Variants in KCNH8 observed in about 807,000 individuals in gnomAD.
The protein encoded by KCNH8 is voltage-gated delayed rectifier potassium channel KCNH8.
KCNH8 carries 70 observed loss-of-function variants against 103.6 expected under a neutral mutation model. The observed-to-expected ratio is 0.68, with a 90% CI of 0.56 to 0.82. The LOEUF (loss-of-function observed/expected upper bound fraction) is 0.82, where lower values mean the gene tolerates loss of function less well. KCNH8 is among the 40% of genes least tolerant of loss of function. The pLI is 0.00. For synonymous variants in KCNH8, 498 were observed against 489.4 expected, an observed-to-expected ratio of 1.02 and a Z score of -0.23; for missense variants, 1,217 against 1,329.9, an observed-to-expected ratio of 0.92 and a Z score of 1.32.
At chr3:19,299,649 TAAAACA>T (rs745454549) in intron 3 of KCNH8, among the ~76,000 whole-genome samples, 1 of 151,396 alleles carries the variant, frequency 6.6e-6, no homozygotes, top group East Asian at 1.9e-4. Context: ...TAAAAAAAAA[TAAAACA>T]AAAATAAAAA....
At position 19,395,172 on chromosome 3, in the gene KCNH8, C is replaced by A. The variant is rs1249749429; in HGVS notation, c.1038C>A (p.Asp346Glu). The A allele has an allele frequency of 3.7e-6, 6 of 1,611,358 alleles. No homozygotes were observed. The highest frequency in any genetic ancestry group is 2.2e-5 in the East Asian group (1 of 44,776). ...LRLLRLLQKLDRYSQHSTIVL... is the reference protein window; with the variant it reads ...LRLLRLLQKLERYSQHSTIVL... ...TTTTGCGTCTGCTGCAGAAGTTAGA[C>A]CGCTATTCCCAACACAGTACTATCG... Residue 346 changes from aspartate (D) to glutamate (E), a missense_variant, in exon 7 of 16, where the codon GAC becomes GAA. By Grantham distance (45) the Asp-to-Glu change is conservative. Transcript: ENST00000328405.
intron 5 of KCNH8, among the ~76,000 whole-genome samples, chr3:19,348,203 C>T (rs1243122703): frequency 2.6e-5 from 4 of 152,056 alleles, no homozygotes; most frequent in Non-Finnish European, 5.9e-5. Context: ...ATACTTATTT[C>T]ATCCAGAATG....
intron 7 of KCNH8, among the ~76,000 whole-genome samples, chr3:19,419,756 C>G (rs1190971442): frequency 6.6e-6 from 1 of 151,800 alleles, no homozygotes; most frequent in Non-Finnish European, 1.5e-5. Context: ...TATATTTATC[C>G]ATACTCCTAT....
chr3:19,355,663 C>G lies in KCNH8; in HGVS notation c.811+7698C>G, dbSNP rs185484460. 1.4e-3 allele frequency among the ~76,000 whole-genome samples: 218 copies of G among 152,118 alleles called. 1 individual carries two copies. The highest frequency in any genetic ancestry group is 4.9e-3 in the African/African-American group (205 of 41,508). On this transcript the variant is annotated intron_variant, in intron 5 of 15. Coordinates refer to ENST00000328405, the MANE Select transcript of KCNH8 (RefSeq NM_144633.3). The stretch of plus-strand genomic sequence containing the variant: ...AAACCAAACATCCCATGTTCTCACT[C>G]GTAGGTGGCAATTGAACAATGAGAA...
rs372467017 is a variant in KCNH8 at position 19,252,541 on chromosome 3, C to T, written c.77-1113C>T. Among the ~76,000 whole-genome samples the T allele has an allele frequency of 2.1e-4, 32 of 152,002 alleles. 1 individual carries two copies. Among genetic ancestry groups the T allele is most frequent in the Non-Finnish European group, 5.9e-5 (4 of 68,000 alleles). ...AGTAGCTGGGATTACAGGGGCCCAC[C>T]ACCATGCCGGGCTAATTTTTGTATT... On this transcript the variant is annotated intron_variant, in intron 1 of 15. Coordinates refer to ENST00000328405, the MANE Select transcript of KCNH8 (RefSeq NM_144633.3).
intron 11 of KCNH8, among the ~76,000 whole-genome samples, chr3:19,462,018 C>T (rs1289142486): frequency 6.6e-6 from 1 of 152,186 alleles, no homozygotes; most frequent in Non-Finnish European, 1.5e-5. Context: ...ATATGTGCCA[C>T]ATTTTCTTAA....
intron 2 of KCNH8, among the ~76,000 whole-genome samples, chr3:19,262,042 A>G (rs867083875): frequency 2.6e-5 from 4 of 151,908 alleles, no homozygotes; most frequent in Middle Eastern, 6.8e-3. Context: ...CAGGAAGTCA[A>G]ATGCTTCTAA....
chr3:19,342,978 A>G (rs1307445596), intron 4 of KCNH8, among the ~76,000 whole-genome samples: 1 of 152,136 alleles, frequency 6.6e-6, no homozygotes, highest in Non-Finnish European at 1.5e-5. Flanking sequence ...TACTAGGGAC[A>G]CTGCAAATGG....
intron 14 of KCNH8, among the ~76,000 whole-genome samples, chr3:19,516,190 C>T (rs1473825757): frequency 1.3e-5 from 2 of 152,086 alleles, no homozygotes; most frequent in Non-Finnish European, 2.9e-5. Context: ...TCCCTTCCCA[C>T]CAAGTTCTAA....
At chr3:19,149,909 T>C (rs1464039795) in intron 1 of KCNH8, among the ~76,000 whole-genome samples, 6 of 152,200 alleles carry the variant, frequency 3.9e-5, no homozygotes, top group African/African-American at 1.4e-4. Context: ...ACTCCAGTAG[T>C]CTAAATACAC....
chr3:19,272,975 A>G (rs568605410), intron 2 of KCNH8, among the ~76,000 whole-genome samples: 5 of 152,322 alleles, frequency 3.3e-5, no homozygotes, highest in African/African-American at 1.2e-4. Context: ...AGTGCCTGCC[A>G]TTGCAGGCAC....
chr3:19,168,435 A>G (rs2063306890), intron 1 of KCNH8, among the ~76,000 whole-genome samples: 1 of 152,188 alleles, frequency 6.6e-6, no homozygotes, highest in South Asian at 2.1e-4. Flanking sequence ...CATTTCCTTG[A>G]GATTCATCCA....
At chr3:19,518,615 T>C (rs1055062745) in intron 15 of KCNH8, among the ~76,000 whole-genome samples, 4 of 152,008 alleles carry the variant, frequency 2.6e-5, no homozygotes, top group African/African-American at 7.2e-5. Context: ...ATCATAAAAT[T>C]TGTCCATTTC....
chr3:19,183,926 G>T (rs1464358331), intron 1 of KCNH8, among the ~76,000 whole-genome samples: 1 of 152,108 alleles, frequency 6.6e-6, no homozygotes, highest in South Asian at 2.1e-4. Flanking sequence ...AAGTTTGAAT[G>T]TAACATTTAC....
intron 5 of KCNH8, among the ~76,000 whole-genome samples, chr3:19,365,152 G>T (rs2065994304): frequency 1.3e-5 from 2 of 152,086 alleles, no homozygotes; most frequent in Middle Eastern, 3.4e-3. Flanking sequence ...CAATGTTCTC[G>T]ATAAACCTAC....
In KCNH8 at chr3:19,534,083, A is replaced by G. The variant is rs1407525369; in HGVS notation, c.3308A>G (p.Lys1103Arg). 1.2e-6 allele frequency: 2 copies of G among 1,613,254 alleles called. No homozygotes were observed. Among genetic ancestry groups the G allele is most frequent in the Non-Finnish European group, 1.7e-6 (2 of 1,179,400 alleles). ...AGCACAGCAGAAGTGAAAGATAACAAAGCCATAAATGTATGATATTAGTGC... is the reference window on the plus strand; with the variant it reads ...AGCACAGCAGAAGTGAAAGATAACAGAGCCATAAATGTATGATATTAGTGC... ...VTSTAEVKDN[K>R]AINV Residue 1103 changes from lysine to arginine, a missense_variant, in exon 16 of 16, where the codon AAA becomes AGA. Lys to Arg is a conservative substitution (Grantham distance 26). Transcript: ENST00000328405.
intron 3 of KCNH8, among the ~76,000 whole-genome samples, chr3:19,326,832 T>G (rs1436112689): frequency 6.6e-6 from 1 of 152,218 alleles, no homozygotes; most frequent in African/African-American, 2.4e-5. Context: ...ATTTTATGAT[T>G]CTGTGGGTTA....
chr3:19,352,975 G>T (rs1436938060), intron 5 of KCNH8, among the ~76,000 whole-genome samples: 1 of 151,662 alleles, frequency 6.6e-6, no homozygotes, highest in Non-Finnish European at 1.5e-5. Flanking sequence ...CAACAAAATT[G>T]ATAGACCACT....
intron 5 of KCNH8, among the ~76,000 whole-genome samples, chr3:19,390,016 C>A (rs1287544204): frequency 6.6e-6 from 1 of 152,036 alleles, no homozygotes; most frequent in African/African-American, 2.4e-5. Context: ...TGATTTCTGA[C>A]TCTTTAATCA....
Sources: gnomAD v4.1 joint callset for allele counts (sites outside exome capture counted in the v4.1 genomes callset) on GRCh38, gnomAD v4.1.1 for gene constraint, MANE v1.5 for transcripts, NCBI Gene and HGNC (gene_info 2026-07-23, HGNC 2026-07-21) for gene names.